Variants in ERICH3 observed in about 807,000 individuals in gnomAD.
ERICH3 encodes the protein glutamate rich 3, also known as glutamate-rich protein 3.
A neutral mutation model predicts 131.1 loss-of-function variants in ERICH3; 126 were observed. That is an observed-to-expected ratio of 0.96 (90% CI 0.83 to 1.11). ERICH3 has a LOEUF of 1.11. ERICH3 is among the 50% of genes most tolerant of loss of function. The pLI is 0.00. For synonymous variants in ERICH3, 695 were observed against 644.6 expected (o/e 1.08, Z -1.18); for missense variants, 2,050 against 1,810.7 (o/e 1.13, Z -2.40).
chr1:74,637,846 G>A (rs1170253414), intron 5 of ERICH3, among the ~76,000 whole-genome samples: 1 of 151,936 alleles, frequency 6.6e-6, no homozygotes, highest in Non-Finnish European at 1.5e-5. Context: ...GGCAGGTCGA[G>A]TCTGCAGTGA....
At chr1:74,633,328 C>G (rs1270858045) in intron 6 of ERICH3, among the ~76,000 whole-genome samples, 1 of 151,784 alleles carries the variant, frequency 6.6e-6, no homozygotes, top group African/African-American at 2.4e-5. Flanking sequence ...TGCATTTTGT[C>G]AAGCTCTAAT....
At position 74,573,024 on chromosome 1, in the gene ERICH3, C is replaced by G. The variant is rs976130921; in HGVS notation, c.2686G>C (p.Glu896Gln). Residue 896 changes from glutamate to glutamine, a missense_variant, in exon 14 of 15, where the codon GAA becomes CAA. Physicochemically the swap from Glu to Gln is conservative, Grantham distance 29. Coordinates refer to ENST00000326665, the MANE Select transcript of ERICH3 (RefSeq NM_001002912.5). ...LETDKAASEG[E>Q]QGLEKAVLAN... ...AGCACTGCCTTCTCTAAACCCTGTTCCCCTTCAGAAGCTGCTTTGTCTGTC... is the reference window on the plus strand; with the variant it reads ...AGCACTGCCTTCTCTAAACCCTGTTGCCCTTCAGAAGCTGCTTTGTCTGTC... 2.5e-6 allele frequency: 4 copies of G among 1,614,030 alleles called. No homozygotes were observed. The African/African-American group carries it at 5.3e-5, about 22-fold the overall frequency.
chr1:74,654,257 A>G (rs1646563193), intron 1 of ERICH3, among the ~76,000 whole-genome samples: 1 of 151,984 alleles, frequency 6.6e-6, no homozygotes, highest in South Asian at 2.1e-4. Flanking sequence ...TCCAGCCTCC[A>G]CCTATTATTT....
chr1:74,600,217 T>C (rs904397933), intron 10 of ERICH3, among the ~76,000 whole-genome samples: 5 of 151,172 alleles, frequency 3.3e-5, no homozygotes, highest in African/African-American at 9.7e-5. Context: ...ATAACCAAAA[T>C]GGAAAGAGAA....
rs771796150 is a variant in ERICH3 at position 74,590,058 on chromosome 1, G to C, written c.1749C>G (p.Thr583=). The change falls in exon 12 of 15, where the codon ACC becomes ACG. Residue 583 remains threonine (T), a synonymous_variant. Transcript: ENST00000326665. The part of the protein sequence containing the change: ...DKQDMKTASS[T]SSRSHPYSSD... ...TAGAATAAGGGTGACTTCTGGATGA[G>C]GTTGATGAAGCAGTTTTCATATCTA... 1.1e-5 allele frequency: 17 copies of C among 1,605,838 alleles called. No homozygotes were observed. The highest frequency in any genetic ancestry group is 1.3e-5 in the African/African-American group (1 of 74,532).
chr1:74,642,951 G>C (rs1381929203), intron 4 of ERICH3, 76 bp downstream of exon 4: 1 of 1,117,218 alleles, frequency 9.0e-7, no homozygotes, highest in Non-Finnish European at 1.3e-6. Flanking sequence ...CAGGGAACTG[G>C]AATCATAGTT....
intron 1 of ERICH3, among the ~76,000 whole-genome samples, chr1:74,666,707 G>A (rs1446241278): frequency 6.6e-6 from 1 of 152,080 alleles, no homozygotes; most frequent in Admixed American, 6.6e-5. Flanking sequence ...GGAACCCAGA[G>A]GTATAGTAAA....
At chr1:74,590,658 T>A (rs546187500) in intron 11 of ERICH3, among the ~76,000 whole-genome samples, 29 of 152,236 alleles carry the variant, frequency 1.9e-4, no homozygotes, top group South Asian at 8.3e-4. Flanking sequence ...TAAATACAGA[T>A]AAAACTTCGC....
chr1:74,598,124 G>A (rs1209859323), intron 11 of ERICH3, among the ~76,000 whole-genome samples: 1 of 151,580 alleles, frequency 6.6e-6, no homozygotes. Context: ...CTTATATGTA[G>A]CTTTCTCTCT....
In ERICH3 at chr1:74,573,162, T is replaced by G; in HGVS notation, c.2548A>C (p.Arg850=). ...GGGTCTGACCCCCCTTCACCCAGCCTTCTGACCCCTTCTGCTTCTGCTGCT... is the reference window on the plus strand; with the variant it reads ...GGGTCTGACCCCCCTTCACCCAGCCGTCTGACCCCTTCTGCTTCTGCTGCT... ...EGAAEAEGVR[R]LGEGGSDPIG... Residue 850 remains arginine (R), a synonymous_variant, in exon 14 of 15, where the codon AGG becomes CGG. Coordinates refer to ENST00000326665, the MANE Select transcript of ERICH3 (RefSeq NM_001002912.5). The G allele has an allele frequency of 6.2e-7, 1 of 1,613,756 alleles. No individual in the cohort carries two copies. Among genetic ancestry groups the G allele is most frequent in the Non-Finnish European group, 8.5e-7 (1 of 1,179,788 alleles).
At chr1:74,595,584 G>A (rs2100570954) in intron 11 of ERICH3, among the ~76,000 whole-genome samples, 1 of 152,058 alleles carries the variant, frequency 6.6e-6, no homozygotes, top group South Asian at 2.1e-4. Context: ...ATCAAATCAT[G>A]TGTCACATTG....
intron 12 of ERICH3, chr1:74,579,360 A>T: frequency 1.0e-6 from 1 of 978,832 alleles, no homozygotes; most frequent in Non-Finnish European, 1.2e-6. Context: ...AGACTACTAT[A>T]AGAAGCCAAA....
intron 3 of ERICH3, among the ~76,000 whole-genome samples, chr1:74,645,431 T>A (rs1018296093): frequency 4.6e-5 from 7 of 151,662 alleles, no homozygotes; most frequent in Admixed American, 1.3e-4. Context: ...ATGTAACAAT[T>A]ATGTTATTTA....
intron 1 of ERICH3, among the ~76,000 whole-genome samples, chr1:74,652,902 C>A (rs1369845504): frequency 6.6e-6 from 1 of 152,132 alleles, no homozygotes; most frequent in Non-Finnish European, 1.5e-5. Context: ...CACTTCCTGG[C>A]TCAATGCACT....
chr1:74,598,531 C>T (rs1647963350), intron 11 of ERICH3, among the ~76,000 whole-genome samples: 1 of 151,638 alleles, frequency 6.6e-6, no homozygotes, highest in Non-Finnish European at 1.5e-5. Context: ...TGAATGAAAG[C>T]ATGACAGCAT....
At chr1:74,579,875 T>G (rs1474935200) in intron 12 of ERICH3, 1 of 984,882 alleles carries the variant, frequency 1.0e-6, no homozygotes, top group East Asian at 1.1e-4. Flanking sequence ...AGTTGCCAAA[T>G]GGAATTGTCA....
intron 10 of ERICH3, among the ~76,000 whole-genome samples, chr1:74,606,044 G>A (rs1271501200): frequency 6.6e-6 from 1 of 151,330 alleles, no homozygotes; most frequent in Non-Finnish European, 1.5e-5. Context: ...GGGTGTATGT[G>A]TATGGAGAGA....
chr1:74,651,568 C>T (rs1344637823), intron 1 of ERICH3, among the ~76,000 whole-genome samples: 3 of 152,122 alleles, frequency 2.0e-5, no homozygotes, highest in Admixed American at 1.3e-4. Flanking sequence ...ATCTTTTCAG[C>T]TCCTCATTTC....
chr1:74,627,011 G>T (rs1464313926), intron 7 of ERICH3, among the ~76,000 whole-genome samples: 1 of 152,076 alleles, frequency 6.6e-6, no homozygotes, highest in Non-Finnish European at 1.5e-5. Context: ...CTGGATGGTA[G>T]TCATAAAATG....
Sources: allele counts gnomAD v4.1 joint callset (sites outside exome capture counted in the v4.1 genomes callset), GRCh38; gene constraint gnomAD v4.1.1; transcripts MANE v1.5; gene names NCBI Gene and HGNC (gene_info 2026-07-23, HGNC 2026-07-21).